The following NUP205 variants were observed in gnomAD, a reference collection of about 807,000 sequenced individuals.
The protein encoded by NUP205 is nuclear pore complex protein Nup205.
A neutral mutation model predicts 253.8 loss-of-function variants in NUP205; 76 were observed. The observed-to-expected ratio is 0.30, with a 90% CI of 0.25 to 0.36. NUP205 has a LOEUF of 0.36. Ranked by LOEUF, NUP205 falls within the 10% of genes least tolerant of loss-of-function variation. The probability of loss-of-function intolerance (pLI) is 1.00; values close to 1 mark genes in which losing one functional copy is unlikely to be tolerated. For missense variants in NUP205, 2,162 were observed against 2,425.5 expected, an observed-to-expected ratio of 0.89 and a Z score of 2.28; for synonymous variants, 832 against 850.1, an observed-to-expected ratio of 0.98 and a Z score of 0.37.
chr7:135,637,847 A>G, intron 36 of NUP205, 84 bp from the exon 37 acceptor site: 6 of 1,279,518 alleles, frequency 4.7e-6, no homozygotes, highest in Non-Finnish European at 6.5e-6. Context: ...TCCATTCTCC[A>G]CTGAGTTTTT....
intron 32 of NUP205, among the ~76,000 whole-genome samples, 187 bp from the exon 33 acceptor site, chr7:135,626,053 A>G (rs780706952): frequency 1.3e-5 from 2 of 152,166 alleles, no homozygotes; most frequent in East Asian, 3.8e-4. Context: ...GGCGCTTTAG[A>G]TATGTTGAAC....
chr7:135,565,556 C>G (rs1442275161), intron 1 of NUP205, among the ~76,000 whole-genome samples: 1 of 151,918 alleles, frequency 6.6e-6, no homozygotes, highest in Non-Finnish European at 1.5e-5. Flanking sequence ...CCTCAGCCTC[C>G]CGAGTAGCTG....
Position 135,627,997 on chromosome 7 carries a change from A to G in NUP205, c.4818A>G (p.Pro1606=). 2.5e-6 allele frequency: 4 copies of G among 1,612,254 alleles called. No individual in the cohort carries two copies. Among genetic ancestry groups the G allele is most frequent in the Non-Finnish European group, 3.4e-6 (4 of 1,179,600 alleles). Residue 1606 remains proline (P), a synonymous_variant, in exon 34 of 43, where the codon CCA becomes CCG. Transcript: ENST00000285968. The part of the protein sequence containing the change: ...PQSMFGMRDP[P]MFIPTPVDRY... ...GCATGTTTGGCATGAGAGACCCTCC[A>G]ATGTTCATCCCTACCCCAGTGGATC...
chr7:135,616,109 G>A lies in NUP205; in HGVS notation c.3460+44G>A, dbSNP rs200658715. 952 of 1,551,520 alleles carry A rather than the reference G, an allele frequency of 6.1e-4. 10 individuals carry two copies. In the South Asian group the frequency reaches 0.01, roughly 17 times the overall value. On this transcript the variant is annotated intron_variant, in intron 24 of 42. Transcript: ENST00000285968. ...TTTATTGTGCTGGTGACTAGTTGTC[G>A]TGAAGACAAGCACAAATCTGAAGCT... is the stretch of plus-strand genomic sequence containing the variant.
Position 135,577,704 on chromosome 7 carries a change from T to A in NUP205, c.649-92T>A, listed in dbSNP as rs1806188481. ...ACTTGTGGATTTTGATAGGTTTTTT[T>A]ATTAGCCTTTGTAAAAGGTAGTTTG... On this transcript the variant is annotated intron_variant, in intron 5 of 42. Transcript: ENST00000285968. The A allele has an allele frequency of 3.3e-6, 3 of 908,820 alleles. No individual in the cohort carries two copies. The South Asian group carries it at 4.9e-5, about 15-fold the overall frequency. 56.3% of individuals were successfully genotyped at this position (908,820 alleles called of 1,614,324 possible).
At chr7:135,612,134 A>G (rs1279273241) in intron 22 of NUP205, among the ~76,000 whole-genome samples, 2 of 150,368 alleles carry the variant, frequency 1.3e-5, no homozygotes, top group East Asian at 3.9e-4. Context: ...AAAACAGAAG[A>G]AAAAAAAACA....
At chr7:135,562,979 G>T (rs1168266586) in intron 1 of NUP205, among the ~76,000 whole-genome samples, 1 of 152,070 alleles carries the variant, frequency 6.6e-6, no homozygotes, top group Admixed American at 6.6e-5. Context: ...CCCACAGGTT[G>T]TCCTCTCCCT....
rs769065044 is a variant in NUP205, at chr7:135,557,949, C to G, written c.5C>G (p.Ala2Gly). The G allele has an allele frequency of 3.7e-6, 6 of 1,613,610 alleles. No individual in the cohort carries two copies. The highest frequency in any genetic ancestry group is 5.1e-6 in the Non-Finnish European group (6 of 1,179,494). Residue 2 changes from alanine to glycine, a missense_variant, in exon 1 of 43, where the codon GCG (alanine) becomes GGG (glycine). Around this residue, in one of 5 missense-constraint regions of NUP205, gnomAD observed 109 missense variants for 131.8 expected, o/e 0.83. Transcript: ENST00000285968. Reference sequence around the variant, plus strand: ...CTCTGTTAGTGCGCCTCTAAGATGGCGACGCCTTTGGCGGTAAATTCGGGT... The same window carrying G: ...CTCTGTTAGTGCGCCTCTAAGATGGGGACGCCTTTGGCGGTAAATTCGGGT... M[A>G]TPLAVNSAAS...
chr7:135,600,881 T>C lies in NUP205; in HGVS notation c.2286T>C (p.Ala762=). The C allele has an allele frequency of 1.9e-6, 3 of 1,606,242 alleles. No homozygotes were observed. The highest frequency in any genetic ancestry group is 1.7e-6 in the Non-Finnish European group (2 of 1,173,762). ...ATATCTTTCTATAGTGGGAAGTTGC[T>C]GAGGTGGTTTTGGAGGTGTTTTATA... ...YRRAAEKWEV[A]EVVLEVFYKL... is the part of the protein sequence containing the mutation. Residue 762 remains alanine (A), a synonymous_variant, in exon 16 of 43, where the codon GCT becomes GCC. Coordinates refer to ENST00000285968, the MANE Select transcript of NUP205 (RefSeq NM_015135.3).
chr7:135,627,361 T>C (rs946983701), intron 33 of NUP205, among the ~76,000 whole-genome samples: 1 of 152,228 alleles, frequency 6.6e-6, no homozygotes, highest in Non-Finnish European at 1.5e-5. Context: ...TCTGAAAATC[T>C]GAAATCTGCA....
At position 135,570,782 on chromosome 7, in the gene NUP205, T is replaced by TTAATA. The variant is rs1805961308; in HGVS notation, c.29-321_29-320insATATA. Among the ~76,000 whole-genome samples, 2 of 51,692 alleles carry TTAATA rather than the reference T, an allele frequency of 3.9e-5. 1 individual carries two copies. Among genetic ancestry groups the TTAATA allele is most frequent in the Non-Finnish European group, 7.2e-5 (2 of 27,758 alleles). The allele number at this position is 51,692 out of a possible 152,430, so 33.9% of individuals were successfully genotyped here. On this transcript the variant is annotated intron_variant, in intron 1 of 42. Coordinates refer to ENST00000285968, the MANE Select transcript of NUP205 (RefSeq NM_015135.3). Reference sequence around the variant, plus strand: ...TATATATTATATTAATATATATTAATTATATTTATATATTATATTAATATA... The same window carrying TTAATA: ...TATATATTATATTAATATATATTAATTAATATATATTTATATATTATATTAATATA...
chr7:135,640,519 C>T (rs370900854), intron 38 of NUP205, among the ~76,000 whole-genome samples: 13 of 152,278 alleles, frequency 8.5e-5, no homozygotes, highest in South Asian at 2.1e-4. Context: ...CCTTCCACTC[C>T]GGCCCAGGCA....
At chr7:135,590,366 G>C (rs1806593677) in intron 10 of NUP205, among the ~76,000 whole-genome samples, 1 of 141,864 alleles carries the variant, frequency 7.0e-6, no homozygotes, top group Admixed American at 7.0e-5. Flanking sequence ...CACCCACCTT[G>C]GCCTCCCAAA....
Position 135,606,826 on chromosome 7 carries a change from C to T in NUP205, c.2981C>T (p.Ser994Phe). The change falls in exon 21 of 43, where the codon TCT becomes TTT. Residue 994 changes from serine to phenylalanine, a missense_variant. By Grantham distance (155) the Ser-to-Phe change is radical. Transcript: ENST00000285968. ...CACATCTTGAATCTTCTCATTACCT[C>T]TCTGGAATGCAATCCACCCAATCTT... ...RIHILNLLITSLECNPPNLAL... is the reference protein window; with the variant it reads ...RIHILNLLITFLECNPPNLAL... 1 of 1,613,462 alleles carries T rather than the reference C, an allele frequency of 6.2e-7. No individual in the cohort carries two copies. Among genetic ancestry groups the T allele is most frequent in the South Asian group, 1.1e-5 (1 of 91,070 alleles).
chr7:135,615,273 T>C (rs183583339), intron 23 of NUP205, among the ~76,000 whole-genome samples: 2 of 152,260 alleles, frequency 1.3e-5, no homozygotes, highest in Admixed American at 1.3e-4. Context: ...AAAAATCTTA[T>C]TGTAGGACCA....
rs1225560348 is a variant in NUP205 at position 135,578,810 on chromosome 7, C to T, written c.937C>T (p.Arg313Cys). 9 of 1,610,836 alleles carry T rather than the reference C, an allele frequency of 5.6e-6. No individual in the cohort carries two copies. The East Asian group carries it at 1.3e-4, about 24-fold the overall frequency. ...EKQYIATIHS[R>C]LQDSQLWKLP... ...ACAGTACATTGCAACAATTCACTCT[C>T]GTCTTCAGGACTCACAGCTTTGGAA... Residue 313 changes from arginine to cysteine, a missense_variant, in exon 7 of 43, where the codon CGT (arginine) becomes TGT (cysteine). By Grantham distance (180) the Arg-to-Cys change is radical. Around this residue, in one of 5 missense-constraint regions of NUP205, gnomAD observed 892 missense variants for 957.1 expected, o/e 0.93. Transcript: ENST00000285968.
Position 135,648,411 on chromosome 7 carries a change from C to T in NUP205, c.5894C>T (p.Ala1965Val). 2 of 1,585,242 alleles carry T rather than the reference C, an allele frequency of 1.3e-6. No individual in the cohort carries two copies. Among genetic ancestry groups the T allele is most frequent in the Non-Finnish European group, 1.7e-6 (2 of 1,170,304 alleles). The change falls in exon 43 of 43, where the codon GCT becomes GTT. Residue 1965 changes from alanine (A) to valine (V), a missense_variant. Ala to Val is a moderately conservative substitution (Grantham distance 64, BLOSUM62 0). Coordinates refer to ENST00000285968, the MANE Select transcript of NUP205 (RefSeq NM_015135.3). Reference sequence around the variant, plus strand: ...CTTTTGTGTCACCGCTAGCTTCAGGCTGATGCAATCAACGCTTTTGGAGAA... The same window carrying T: ...CTTTTGTGTCACCGCTAGCTTCAGGTTGATGCAATCAACGCTTTTGGAGAA... The part of the protein sequence containing the change: ...VSQHDLDQLQ[A>V]DAINAFGESL...
Position 135,597,370 on chromosome 7 carries a change from A to G in NUP205, c.2016A>G (p.Ile672Met), listed in dbSNP as rs1200963369. 6.2e-7 allele frequency: 1 copy of G among 1,607,624 alleles called. No individual in the cohort carries two copies. The highest frequency in any genetic ancestry group is 1.1e-5 in the South Asian group (1 of 90,912). Residue 672 changes from isoleucine (I) to methionine (M), a missense_variant and splice_region_variant, in exon 14 of 43, where the codon ATA becomes ATG. Physicochemically the swap from Ile to Met is conservative, Grantham distance 10 (BLOSUM62 1). Around this residue, in one of 5 missense-constraint regions of NUP205, gnomAD observed 892 missense variants for 957.1 expected, o/e 0.93. Coordinates refer to ENST00000285968, the MANE Select transcript of NUP205 (RefSeq NM_015135.3). ...SLWQSLEYTQ[I>M]LQTVRIPSQR... is the part of the protein sequence containing the mutation. Reference sequence around the variant, plus strand: ...CATCTACTTCTTACTATTTTAAGATACTGCAGACCGTGAGGATTCCAAGCC... The same window carrying G: ...CATCTACTTCTTACTATTTTAAGATGCTGCAGACCGTGAGGATTCCAAGCC...
At chr7:135,577,588 G>T (rs1473444474) in intron 5 of NUP205, among the ~76,000 whole-genome samples, 1 of 152,148 alleles carries the variant, frequency 6.6e-6, no homozygotes, top group East Asian at 1.9e-4. Flanking sequence ...AAATGAACAA[G>T]AAATTGGTCA....
Sources: allele counts gnomAD v4.1 joint callset (sites outside exome capture counted in the v4.1 genomes callset), GRCh38; gene constraint gnomAD v4.1.1; regional missense constraint gnomAD v4.1.1; transcripts MANE v1.5; gene names NCBI Gene and HGNC (gene_info 2026-07-23, HGNC 2026-07-21).